SGCD: variants seen among roughly 807,000 people sequenced by gnomAD.
SGCD encodes the protein sarcoglycan delta.
Under a neutral mutation model 36.6 loss-of-function variants are expected in SGCD, and 18 were observed. That is an observed-to-expected ratio of 0.49 (90% CI 0.34 to 0.73). The LOEUF is 0.73. Among genes scored for constraint, SGCD ranks in the 30% least tolerant of loss-of-function variants. The pLI, the probability that SGCD is intolerant of heterozygous loss-of-function variation, is 0.01. For missense variants in SGCD, 387 were observed against 346.7 expected, an observed-to-expected ratio of 1.12 and a Z score of -0.92; for synonymous variants, 133 against 130.6, an observed-to-expected ratio of 1.02 and a Z score of -0.12.
In SGCD at chr5:155,896,119, A is replaced by C. The variant is rs147398429; in HGVS notation, c.-282+25695A>C. Reference sequence around the variant, plus strand: ...GAAATTTTAATGTTTTAACATCCATAACAGAGAGCCCTTTATTATATCTCT... The same window carrying C: ...GAAATTTTAATGTTTTAACATCCATCACAGAGAGCCCTTTATTATATCTCT... On this transcript the variant is annotated intron_variant, in intron 1 of 9. Coordinates refer to the SGCD transcript ENST00000517913. Among the ~76,000 whole-genome samples, 189 of 152,294 alleles carry C rather than the reference A, an allele frequency of 1.2e-3. 3 individuals carry two copies. In the East Asian group the frequency reaches 0.034, roughly 27 times the overall value.
chr5:156,558,836 CTG>C (rs1200433702), intron 4 of SGCD, among the ~76,000 whole-genome samples: 1 of 152,172 alleles, frequency 6.6e-6, no homozygotes, highest in East Asian at 1.9e-4. Context: ...TGTGAAAACA[CTG>C]TTTCTGTCTG....
upstream of SGCD, among the ~76,000 whole-genome samples, chr5:155,867,904 G>A (rs1561631837): frequency 6.6e-6 from 1 of 152,108 alleles, no homozygotes; most frequent in Non-Finnish European, 1.5e-5. Context: ...TTAGGAAGTG[G>A]CTGAGTCAGT....
intron 3 of SGCD, among the ~76,000 whole-genome samples, chr5:156,160,989 T>C (rs1472304019): frequency 6.6e-6 from 1 of 151,768 alleles, no homozygotes; most frequent in Admixed American, 6.5e-5. Context: ...CGTAAATGAA[T>C]GGCTGTGGTT....
intron 2 of SGCD, among the ~76,000 whole-genome samples, chr5:156,332,687 A>T (rs867273717): frequency 7.2e-5 from 11 of 152,222 alleles, no homozygotes; most frequent in African/African-American, 2.2e-4. Context: ...GCAGGAGGAC[A>T]GTATGGTGGC....
intron 3 of SGCD, among the ~76,000 whole-genome samples, chr5:156,148,308 A>G (rs1762754924): frequency 6.6e-6 from 1 of 152,170 alleles, no homozygotes; most frequent in South Asian, 2.1e-4. Context: ...AAACTGGGGT[A>G]CCTTTGGGTT....
the SGCD span, among the ~76,000 whole-genome samples, chr5:155,782,172 C>T: frequency 6.6e-6 from 1 of 151,852 alleles, no homozygotes; most frequent in Admixed American, 6.6e-5. Flanking sequence ...TTAGAGGCAC[C>T]CACCACCATG....
At chr5:156,634,284 A>C (rs1219583996) in intron 6 of SGCD, among the ~76,000 whole-genome samples, 1 of 152,108 alleles carries the variant, frequency 6.6e-6, no homozygotes, top group Non-Finnish European at 1.5e-5. Context: ...GAGGGTGAGC[A>C]CCAGGAAGAA....
At chr5:155,808,171 C>G in the SGCD span, among the ~76,000 whole-genome samples, 1 of 152,186 alleles carries the variant, frequency 6.6e-6, no homozygotes. Flanking sequence ...CTCATTGTTT[C>G]CACTTGGAGT....
intron 3 of SGCD, among the ~76,000 whole-genome samples, chr5:156,226,983 A>G (rs1223758893): frequency 1.3e-5 from 2 of 152,132 alleles, no homozygotes; most frequent in South Asian, 2.1e-4. Context: ...AGATCGTTGT[A>G]GATTCTAGAT....
intron 3 of SGCD, among the ~76,000 whole-genome samples, chr5:156,399,834 ACGT>A (rs1772049877): frequency 6.6e-6 from 1 of 152,186 alleles, no homozygotes; most frequent in Non-Finnish European, 1.5e-5. Context: ...GTCATATCTA[ACGT>A]CGTATTTCTG....
chr5:156,134,713 G>T (rs1240974289), intron 3 of SGCD, among the ~76,000 whole-genome samples: 1 of 131,656 alleles, frequency 7.6e-6, no homozygotes, highest in Non-Finnish European at 1.6e-5. Context: ...GGGGAGGGGG[G>T]AGGGATAGCA....
chr5:156,392,974 G>A (rs1342615910), intron 3 of SGCD, among the ~76,000 whole-genome samples: 1 of 152,088 alleles, frequency 6.6e-6, no homozygotes, highest in Non-Finnish European at 1.5e-5. Flanking sequence ...GCGTGGCGGG[G>A]AAATTCAACA....
intron 7 of SGCD, among the ~76,000 whole-genome samples, chr5:156,723,848 CAA>C (rs1491504274): frequency 4.0e-5 from 3 of 75,726 alleles, no homozygotes; most frequent in Non-Finnish European, 5.2e-5. Context: ...TGTTTTAAGC[CAA>C]GTGTGTGTGT....
intron 3 of SGCD, 137 bp downstream of exon 3, chr5:156,344,814 GCATTT>G (rs375274238): frequency 8.4e-5 from 52 of 622,674 alleles, no homozygotes; most frequent in African/African-American, 6.8e-4. Context: ...TGGTGAAAGA[GCATTT>G]CTGTTCAGAT....
At chr5:156,266,554 C>A (rs1298609527) in intron 3 of SGCD, among the ~76,000 whole-genome samples, 1 of 152,164 alleles carries the variant, frequency 6.6e-6, no homozygotes, top group African/African-American at 2.4e-5. Flanking sequence ...CTGATCATAG[C>A]TCACTGCAGC....
chr5:155,858,179 C>T, the SGCD span, among the ~76,000 whole-genome samples: 2 of 152,142 alleles, frequency 1.3e-5, no homozygotes, highest in African/African-American at 4.8e-5. Context: ...GTTTGTGTTG[C>T]TACCTTTTCA....
the SGCD span, among the ~76,000 whole-genome samples, chr5:155,862,626 C>T: frequency 6.6e-6 from 1 of 152,202 alleles, no homozygotes; most frequent in Non-Finnish European, 1.5e-5. Flanking sequence ...CCACTGTGCC[C>T]AGCCAGCTTT....
chr5:156,454,512 G>A (rs1317842419), intron 3 of SGCD, among the ~76,000 whole-genome samples: 1 of 152,146 alleles, frequency 6.6e-6, no homozygotes, highest in Non-Finnish European at 1.5e-5. Context: ...TCATTGAATA[G>A]CAAAGAAGTT....
rs552388744 is a variant in SGCD at position 156,236,784 on chromosome 5, C to T, written c.-43-92750C>T. 4.6e-5 allele frequency among the ~76,000 whole-genome samples: 7 copies of T among 151,348 alleles called. No homozygotes were observed. In the East Asian group the frequency reaches 1.4e-3, roughly 30 times the overall value. ...CATTTGTTCTTAATGCTCCTGCTCCCAACACCAAAGGAACAAGGTTGTAAC... is the reference window on the plus strand; with the variant it reads ...CATTTGTTCTTAATGCTCCTGCTCCTAACACCAAAGGAACAAGGTTGTAAC... On this transcript the variant is annotated intron_variant, in intron 3 of 9. Transcript: ENST00000517913.
Sources: gnomAD v4.1 joint callset for allele counts (sites outside exome capture counted in the v4.1 genomes callset) on GRCh38, gnomAD v4.1.1 for gene constraint, MANE v1.5 for transcripts, NCBI Gene and HGNC (gene_info 2026-07-23, HGNC 2026-07-21) for gene names.